Variants in DMD observed in about 807,000 individuals in gnomAD.
DMD encodes the protein mutant dystrophin.
Under a neutral mutation model 330.1 loss-of-function variants are expected in DMD, and 63 were observed. The ratio of observed to expected loss-of-function variants is 0.19; its 90% CI spans 0.16 to 0.24. DMD has a LOEUF of 0.24. DMD is among the 10% of genes least tolerant of loss of function. The pLI, the probability that DMD is intolerant of heterozygous loss-of-function variation, is 1.00. For synonymous variants in DMD, 1,223 were observed against 959.8 expected (o/e 1.27, Z -5.07); for missense variants, 3,344 against 2,684.1 (o/e 1.25, Z -5.43).
At chrX:32,689,030 T>TG (rs1248417780) in intron 9 of DMD, among the ~76,000 whole-genome samples, 1 of 111,218 alleles carries the variant, frequency 9.0e-6, no homozygotes, top group Non-Finnish European at 1.9e-5. Context: ...AAGATTTTTT[T>TG]GAAGATCAGA....
intron 44 of DMD, among the ~76,000 whole-genome samples, chrX:32,033,653 G>GAAAGAAAGAAAGAAAGAAGAAAGA (rs201179363): frequency 2.4e-4 from 14 of 59,048 alleles, no homozygotes; most frequent in African/African-American, 9.8e-4. Context: ...AAGAAAGAAA[G>GAAAGAAAGAAAGAAAGAAGAAAGA]AAGAAAGAAA....
At chrX:32,855,027 A>G (rs760367615) in intron 2 of DMD, among the ~76,000 whole-genome samples, 1 of 112,145 alleles carries the variant, frequency 8.9e-6, no homozygotes, top group Non-Finnish European at 1.9e-5. Context: ...GGGTCACCAT[A>G]TGCAAAAAAT....
chrX:32,758,723 A>G (rs971969096), intron 7 of DMD, among the ~76,000 whole-genome samples: 1 of 110,953 alleles, frequency 9.0e-6, no homozygotes, highest in Non-Finnish European at 1.9e-5. Flanking sequence ...AACAAAGTGT[A>G]AGAGCTTAGC....
intron 7 of DMD, among the ~76,000 whole-genome samples, chrX:32,709,714 C>G (rs1199988122): frequency 9.0e-6 from 1 of 111,709 alleles, no homozygotes; most frequent in African/African-American, 3.2e-5. Context: ...TCATATGGCA[C>G]CTCTTCAGAG....
intron 74 of DMD, among the ~76,000 whole-genome samples, chrX:31,151,679 T>C (rs1381467460): frequency 8.9e-6 from 1 of 112,633 alleles, no homozygotes; most frequent in Non-Finnish European, 1.9e-5. Context: ...GTAAAGAATA[T>C]CAATTGCTCA....
chrX:32,848,254 G>A (rs770239265), intron 3 of DMD, among the ~76,000 whole-genome samples: 5 of 111,562 alleles, frequency 4.5e-5, no homozygotes, highest in South Asian at 7.5e-4. Flanking sequence ...TTCTGTATTC[G>A]GTAACAAAGT....
At chrX:31,729,156 ATTT>A (rs2086311075) in intron 52 of DMD, among the ~76,000 whole-genome samples, 1 of 112,072 alleles carries the variant, frequency 8.9e-6, no homozygotes, top group South Asian at 3.7e-4. Context: ...CAGTACGATG[ATTT>A]TTGATATTAC....
rs181725435 is a variant in DMD at position 32,405,233 on chromosome X, G to A, written c.4233+6519C>T. ...AAAGATTTGATTTGATTGCTCCGGG[G>A]CTCAGCATGGTTACTTAGACTGTTG... On this transcript the variant is annotated intron_variant, in intron 30 of 78. Transcript: ENST00000357033. 4.7e-4 allele frequency among the ~76,000 whole-genome samples: 52 copies of A among 111,620 alleles called. No homozygotes were observed. In the Admixed American group the frequency reaches 4.8e-3, roughly 10 times the overall value.
intron 12 of DMD, among the ~76,000 whole-genome samples, chrX:32,607,343 T>A (rs2056812783): frequency 1.8e-5 from 2 of 110,619 alleles, no homozygotes; most frequent in Non-Finnish European, 3.8e-5. Flanking sequence ...TCTAATAACT[T>A]GGTAATCACA....
chrX:31,323,568 T>G (rs778761306), intron 62 of DMD, 30 bp downstream of exon 62: 1 of 1,163,229 alleles, frequency 8.6e-7, no homozygotes, highest in South Asian at 1.8e-5. Flanking sequence ...CAATAAATGC[T>G]CTTTTAAAAA....
At chrX:32,559,597 C>A (rs756510654) in intron 16 of DMD, among the ~76,000 whole-genome samples, 3 of 111,058 alleles carry the variant, frequency 2.7e-5, no homozygotes, top group Non-Finnish European at 5.7e-5. Context: ...AGAATGGGTA[C>A]AGCCAGAACG....
chrX:32,758,642 T>C (rs967400890), intron 7 of DMD, among the ~76,000 whole-genome samples: 1 of 111,513 alleles, frequency 9.0e-6, no homozygotes, highest in Non-Finnish European at 1.9e-5. Flanking sequence ...AATCTCAGAC[T>C]TCGGAATCAA....
chrX:31,749,275 C>T (rs1308240649), intron 51 of DMD, among the ~76,000 whole-genome samples: 8 of 96,029 alleles, frequency 8.3e-5, no homozygotes, highest in Non-Finnish European at 1.3e-4. Flanking sequence ...GTATATCTCC[C>T]AATGCCATCC....
intron 32 of DMD, among the ~76,000 whole-genome samples, chrX:32,388,190 G>A (rs376909393): frequency 3.1e-4 from 34 of 111,203 alleles, no homozygotes; most frequent in African/African-American, 1.0e-3. Context: ...CACAGTCACA[G>A]CTTGACACAG....
intron 5 of DMD, among the ~76,000 whole-genome samples, chrX:32,821,428 C>CA (rs1471787288): frequency 8.2e-4 from 73 of 88,788 alleles, no homozygotes; most frequent in African/African-American, 2.3e-3. Context: ...ACTAAAAATA[C>CA]AAAAAAAAAT....
At chrX:32,847,434 G>A (rs2080781604) in intron 3 of DMD, among the ~76,000 whole-genome samples, 1 of 112,032 alleles carries the variant, frequency 8.9e-6, no homozygotes, top group South Asian at 3.7e-4. Context: ...TAATCCAAAT[G>A]CAGATGCTTC....
At chrX:31,914,725 A>C in intron 47 of DMD, among the ~76,000 whole-genome samples, 1 of 112,200 alleles carries the variant, frequency 8.9e-6, no homozygotes, top group Non-Finnish European at 1.9e-5. Flanking sequence ...TAGTTGCCAG[A>C]GGCTGGGAAG....
chrX:32,890,331 C>T (rs1232222672), intron 2 of DMD, among the ~76,000 whole-genome samples: 1 of 109,942 alleles, frequency 9.1e-6, no homozygotes, highest in Non-Finnish European at 1.9e-5. Context: ...AGAAAATAAA[C>T]CTTTCGTTGA....
intron 1 of DMD, among the ~76,000 whole-genome samples, chrX:33,111,292 A>G (rs774514965): frequency 8.9e-6 from 1 of 111,962 alleles, no homozygotes; most frequent in Non-Finnish European, 1.9e-5. Context: ...TAAGTGGCAC[A>G]TTGAAGGGAA....
Sources: allele counts gnomAD v4.1 joint callset (sites outside exome capture counted in the v4.1 genomes callset), GRCh38; gene constraint gnomAD v4.1.1; transcripts MANE v1.5; gene names NCBI Gene and HGNC (gene_info 2026-07-23, HGNC 2026-07-21).